Variants in MOK observed in about 807,000 individuals in gnomAD.
MOK encodes MOK protein kinase.
In MOK, 59 loss-of-function variants were observed where a neutral mutation model predicts 54.2. The observed-to-expected ratio is 1.09, with a 90% CI of 0.88 to 1.35. The LOEUF (loss-of-function observed/expected upper bound fraction) is 1.35. Ranked by LOEUF, MOK falls within the 40% of genes most tolerant of loss-of-function variation. The pLI is 0.00. For missense variants in MOK, 517 were observed against 526.2 expected (o/e 0.98, Z 0.17); for synonymous variants, 210 against 202.7 (o/e 1.04, Z -0.31).
At chr14:102,301,258 G>T (rs891873999) in intron 1 of MOK, among the ~76,000 whole-genome samples, 5 of 152,122 alleles carry the variant, frequency 3.3e-5, no homozygotes, top group South Asian at 2.1e-4. Context: ...GATCTGTTAC[G>T]CAGCAATAGA....
Position 102,236,860 on chromosome 14 carries a change from C to G in MOK, c.591-3071G>C, listed in dbSNP as rs1428061213. On this transcript the variant is annotated intron_variant, in intron 7 of 11. Coordinates refer to ENST00000361847, the MANE Select transcript of MOK (RefSeq NM_014226.3). The surrounding 1 kb of genome is among the most constrained non-coding windows in gnomAD (Gnocchi z 4.5). ...TTAGGCCAACACGTTCTTCATATAACACCACCATCCTCCTGGTTAAAAAAT... is the reference window on the plus strand; with the variant it reads ...TTAGGCCAACACGTTCTTCATATAAGACCACCATCCTCCTGGTTAAAAAAT... 2.0e-5 allele frequency among the ~76,000 whole-genome samples: 3 copies of G among 152,186 alleles called. No individual in the cohort carries two copies. The highest frequency in any genetic ancestry group is 4.4e-5 in the Non-Finnish European group (3 of 68,040).
intron 4 of MOK, among the ~76,000 whole-genome samples, chr14:102,260,364 G>A (rs559967903): frequency 3.3e-5 from 5 of 151,834 alleles, no homozygotes; most frequent in South Asian, 4.2e-4. Context: ...AAAAATAACC[G>A]TATCTGCCTG....
In MOK at chr14:102,249,452, G is replaced by A. The variant is rs2066357069; in HGVS notation, c.590+1360C>T. Among the ~76,000 whole-genome samples the A allele has an allele frequency of 6.6e-6, 1 of 152,218 alleles. No homozygotes were observed. On this transcript the variant is annotated intron_variant, in intron 7 of 11. Transcript: ENST00000361847. The surrounding 1 kb of genome is among the most constrained non-coding windows in gnomAD (Gnocchi z 5.3). ...GTGCTGGGCGCGGTGGCTCATGCCTGTAATCCCAGCACTTTGGGAGGCTGA... is the reference window on the plus strand; with the variant it reads ...GTGCTGGGCGCGGTGGCTCATGCCTATAATCCCAGCACTTTGGGAGGCTGA...
At position 102,283,470 on chromosome 14, in the gene MOK, T is replaced by C; in HGVS notation, c.122+8A>G. 3 of 1,598,172 alleles carry C rather than the reference T, an allele frequency of 1.9e-6. No homozygotes were observed. Among genetic ancestry groups the C allele is most frequent in the Middle Eastern group, 1.7e-4 (1 of 6,008 alleles). On this transcript the variant is annotated splice_region_variant and intron_variant, in intron 2 of 11. Coordinates refer to ENST00000361847, the MANE Select transcript of MOK (RefSeq NM_014226.3). ...GTGTTTGGTCCCAAGTGCATCTCTG[T>C]AGCCTACCTTTCAAAGCGCTGCTTC... is the stretch of plus-strand genomic sequence containing the variant.
chr14:102,250,943 A>G lies in MOK; in HGVS notation c.459T>C (p.Tyr153=), dbSNP rs1353855384. ...LGDFGSCRSV[Y]SKQPYTEYIS... is the part of the protein sequence containing the mutation. ...TGTATTCCGTGTACGGCTGCTTGGA[A>G]TAGACACTCCGGCAGGAGCCAAAGT... Residue 153 remains tyrosine (Y), a synonymous_variant, in exon 7 of 12, where the codon TAT becomes TAC. Transcript: ENST00000361847. 1.9e-6 allele frequency: 3 copies of G among 1,614,040 alleles called. No homozygotes were observed. Among genetic ancestry groups the G allele is most frequent in the Admixed American group, 1.7e-5 (1 of 60,014 alleles).
intron 7 of MOK, among the ~76,000 whole-genome samples, chr14:102,248,047 C>A (rs1375514933): frequency 6.6e-6 from 1 of 152,218 alleles, no homozygotes; most frequent in Admixed American, 6.5e-5. Flanking sequence ...GCTCCAAGAA[C>A]GGCAGTCCCT....
At chr14:102,253,132 A>T (rs76487673) in intron 4 of MOK, among the ~76,000 whole-genome samples, 1 of 152,320 alleles carries the variant, frequency 6.6e-6, no homozygotes, top group African/African-American at 2.4e-5. Flanking sequence ...AAATTAATAA[A>T]CAATAAACGT....
At chr14:102,296,826 G>A (rs1185549311) in intron 1 of MOK, among the ~76,000 whole-genome samples, 2 of 151,910 alleles carry the variant, frequency 1.3e-5, no homozygotes, top group Non-Finnish European at 2.9e-5. Context: ...TTGGGAGGCT[G>A]AGGCAGGTGG....
chr14:102,214,629 T>G, the MOK span: 1 of 985,046 alleles, frequency 1.0e-6, no homozygotes, highest in Non-Finnish European at 1.2e-6. Flanking sequence ...TTAGAGATTG[T>G]TATGTTAGGC....
chr14:102,295,692 T>C (rs1347087744), intron 1 of MOK, among the ~76,000 whole-genome samples: 1 of 152,224 alleles, frequency 6.6e-6, no homozygotes, highest in Non-Finnish European at 1.5e-5. Context: ...TTATTTGATA[T>C]AGTGAGGAAA....
rs145494156 is a variant in MOK, at chr14:102,243,622, G to C, written c.590+7190C>G. ...TACTTTCTGCTCCCTGGCTCCTTCAGCTGTACTCACTCTTTGTTGAGTCTC... is the reference window on the plus strand; with the variant it reads ...TACTTTCTGCTCCCTGGCTCCTTCACCTGTACTCACTCTTTGTTGAGTCTC... On this transcript the variant is annotated intron_variant, in intron 7 of 11. Transcript: ENST00000361847. Among the ~76,000 whole-genome samples, 702 of 152,202 alleles carry C rather than the reference G, an allele frequency of 4.6e-3. 6 individuals carry two copies. Among genetic ancestry groups the C allele is most frequent in the African/African-American group, 0.016 (651 of 41,508 alleles).
At chr14:102,284,447 A>G (rs1287922123) in intron 1 of MOK, among the ~76,000 whole-genome samples, 2 of 152,026 alleles carry the variant, frequency 1.3e-5, no homozygotes, top group Non-Finnish European at 2.9e-5. Context: ...GCTAATTACT[A>G]CTGACTGCCT....
chr14:102,224,718 G>C, downstream of MOK: 1 of 456,044 alleles, frequency 2.2e-6, no homozygotes. Flanking sequence ...GTTACAGCTT[G>C]AGTTCTCAGC....
downstream of MOK, chr14:102,222,857 A>G: frequency 6.2e-7 from 1 of 1,614,204 alleles, no homozygotes; most frequent in Non-Finnish European, 8.5e-7. This position sits in a 1 kb window ranked among gnomAD's most constrained non-coding sequence, Gnocchi z 4.4. Context: ...AAGCCAGGCC[A>G]GTTCTCCAGG....
At chr14:102,258,176 C>T (rs2067120067) in intron 4 of MOK, among the ~76,000 whole-genome samples, 1 of 152,086 alleles carries the variant, frequency 6.6e-6, no homozygotes, top group African/African-American at 2.4e-5. Context: ...AATTGAAAAC[C>T]ACCTCTCCCT....
At chr14:102,298,870 C>T (rs1454479792) in intron 1 of MOK, among the ~76,000 whole-genome samples, 3 of 152,332 alleles carry the variant, frequency 2.0e-5, no homozygotes, top group African/African-American at 4.8e-5. Context: ...AGACCACGAA[C>T]CCACCAGGAG....
intron 2 of MOK, chr14:102,278,794 T>C (rs1485715301): frequency 9.1e-6 from 4 of 439,148 alleles, no homozygotes; most frequent in African/African-American, 2.0e-5. Flanking sequence ...ACCAGATATG[T>C]AGTGAACAAC....
At chr14:102,279,428 G>C (rs1027485615) in intron 2 of MOK, among the ~76,000 whole-genome samples, 9 of 152,030 alleles carry the variant, frequency 5.9e-5, no homozygotes, top group African/African-American at 2.2e-4. Flanking sequence ...ACCCTCCTGA[G>C]TAGCTAGGAC....
At chr14:102,221,147 C>A (rs117679726), downstream of MOK, among the ~76,000 whole-genome samples, 845 of 152,308 alleles carry the variant, frequency 5.5e-3, 18 homozygotes, top group East Asian at 0.034. This position sits in a 1 kb window ranked among gnomAD's most constrained non-coding sequence, Gnocchi z 4.8. Context: ...CCTGGAGCAG[C>A]ACTCACCTCC....
Sources: allele counts gnomAD v4.1 joint callset (sites outside exome capture counted in the v4.1 genomes callset), GRCh38; gene constraint gnomAD v4.1.1; non-coding constraint Gnocchi (gnomAD v3.1); transcripts MANE v1.5; gene names NCBI Gene and HGNC (gene_info 2026-07-23, HGNC 2026-07-21).